The following SH3RF3 variants were observed in gnomAD, a reference collection of about 807,000 sequenced individuals.
The protein encoded by SH3RF3 is SH3 domain containing ring finger 3.
A neutral mutation model predicts 66.3 loss-of-function variants in SH3RF3; 29 were observed. The observed-to-expected ratio is 0.44, with a 90% CI of 0.33 to 0.60. The LOEUF (loss-of-function observed/expected upper bound fraction) is 0.60. SH3RF3 is among the 20% of genes least tolerant of loss of function. SH3RF3 has a pLI of 0.04. For synonymous variants in SH3RF3, 583 were observed against 532.0 expected (o/e 1.10, Z -1.32); for missense variants, 1,194 against 1,190.9 (o/e 1.00, Z -0.04).
chr2:109,157,634 C>T (rs1677378641), intron 1 of SH3RF3, among the ~76,000 whole-genome samples: 2 of 152,136 alleles, frequency 1.3e-5, no homozygotes, highest in African/African-American at 2.4e-5. Flanking sequence ...TAGTGTGCTT[C>T]CTAGCCACCT....
intron 8 of SH3RF3, among the ~76,000 whole-genome samples, chr2:109,483,321 T>C (rs1157110998): frequency 2.0e-5 from 3 of 152,230 alleles, no homozygotes; most frequent in African/African-American, 7.2e-5. Context: ...TATCTAAAGT[T>C]TCCTGCAAGC....
intron 1 of SH3RF3, among the ~76,000 whole-genome samples, chr2:109,281,981 G>A (rs776065959): frequency 6.6e-6 from 1 of 152,102 alleles, no homozygotes; most frequent in Non-Finnish European, 1.5e-5. Flanking sequence ...CGAGCGCTGG[G>A]CCAGGCTTTC....
chr2:109,483,108 C>T (rs1287190303), intron 8 of SH3RF3, among the ~76,000 whole-genome samples: 2 of 152,190 alleles, frequency 1.3e-5, no homozygotes, highest in African/African-American at 4.8e-5. Flanking sequence ...CTCCTGTGCT[C>T]TTCCAGTAAC....
chr2:109,408,782 A>G (rs186051407), intron 4 of SH3RF3, among the ~76,000 whole-genome samples: 7 of 152,372 alleles, frequency 4.6e-5, no homozygotes, highest in African/African-American at 1.7e-4. Context: ...ATGGATGCAC[A>G]GTTGGATGTG....
At chr2:109,346,970 T>G (rs1682724357) in intron 1 of SH3RF3, among the ~76,000 whole-genome samples, 1 of 152,270 alleles carries the variant, frequency 6.6e-6, no homozygotes, top group East Asian at 1.9e-4. Flanking sequence ...GAACCCCTGC[T>G]CCTGGGCATG....
intron 1 of SH3RF3, among the ~76,000 whole-genome samples, chr2:109,172,343 G>C (rs117240462): frequency 6.6e-6 from 1 of 152,202 alleles, no homozygotes; most frequent in Admixed American, 6.5e-5. Context: ...GCGAGCCAGC[G>C]GTCAAACCCC....
chr2:109,398,666 T>C lies in SH3RF3; in HGVS notation c.1022T>C (p.Leu341Pro). The C allele has an allele frequency of 6.2e-7, 1 of 1,607,844 alleles. No individual in the cohort carries two copies. The highest frequency in any genetic ancestry group is 8.5e-7 in the Non-Finnish European group (1 of 1,177,508). Residue 341 changes from leucine (L) to proline (P), a missense_variant, in exon 4 of 10, where the codon CTG becomes CCG. Physicochemically the swap from Leu to Pro is moderately conservative, Grantham distance 98. Transcript: ENST00000309415. ...GCTGCATCCAGCTGCAATGCCTCCCTGCCCTCTGACTCCGGCGCTGTGGCC... is the reference window on the plus strand; with the variant it reads ...GCTGCATCCAGCTGCAATGCCTCCCCGCCCTCTGACTCCGGCGCTGTGGCC... ...PAAASSCNASLPSDSGAVASV... is the reference protein window; with the variant it reads ...PAAASSCNASPPSDSGAVASV...
chr2:109,466,404 C>T (rs1573275219), intron 8 of SH3RF3, among the ~76,000 whole-genome samples: 3 of 152,058 alleles, frequency 2.0e-5, no homozygotes, highest in Admixed American at 1.3e-4. Flanking sequence ...AATGAGATGT[C>T]TGTTTAGATC....
chr2:109,249,583 C>CTTTT (rs1553491291), intron 1 of SH3RF3, among the ~76,000 whole-genome samples: 21 of 84,414 alleles, frequency 2.5e-4, no homozygotes, highest in African/African-American at 1.1e-3. Flanking sequence ...TTCCTTCCTT[C>CTTTT]CTTTCCTTTC....
At chr2:109,219,894 A>G (rs1679192035) in intron 1 of SH3RF3, among the ~76,000 whole-genome samples, 1 of 152,212 alleles carries the variant, frequency 6.6e-6, no homozygotes, top group Admixed American at 6.5e-5. Context: ...CAAAACCCCA[A>G]TGGCGTTTTT....
intron 1 of SH3RF3, among the ~76,000 whole-genome samples, chr2:109,328,978 G>A (rs974205482): frequency 2.0e-5 from 3 of 152,132 alleles, no homozygotes; most frequent in Non-Finnish European, 4.4e-5. Context: ...TTCCTCCCAC[G>A]TCCTGGTGGC....
intron 1 of SH3RF3, among the ~76,000 whole-genome samples, chr2:109,143,542 A>G (rs2104840609): frequency 6.6e-6 from 1 of 152,300 alleles, no homozygotes; most frequent in East Asian, 1.9e-4. Context: ...CAGGAGCTTG[A>G]GACCAGCCTG....
intron 1 of SH3RF3, among the ~76,000 whole-genome samples, chr2:109,265,137 A>AT (rs1238503638): frequency 2.6e-5 from 4 of 150,990 alleles, no homozygotes; most frequent in African/African-American, 7.3e-5. Context: ...TGTGTGTTTT[A>AT]TTTTTTTTTC....
intron 1 of SH3RF3, among the ~76,000 whole-genome samples, chr2:109,139,456 C>G (rs1676886514): frequency 6.6e-6 from 1 of 152,206 alleles, no homozygotes; most frequent in East Asian, 1.9e-4. Context: ...GAAGACAACT[C>G]TCTTGTATCC....
intron 9 of SH3RF3, among the ~76,000 whole-genome samples, chr2:109,492,299 C>T (rs768908049): frequency 2.0e-5 from 3 of 152,190 alleles, no homozygotes; most frequent in Non-Finnish European, 4.4e-5. Context: ...CGCAGTTTGC[C>T]AGCCCTGACA....
chr2:109,370,328 C>T (rs1382014097), intron 2 of SH3RF3, among the ~76,000 whole-genome samples: 2 of 151,944 alleles, frequency 1.3e-5, no homozygotes, highest in Non-Finnish European at 2.9e-5. Context: ...CAACCTCTGC[C>T]TCCCGGGTTC....
chr2:109,257,751 G>A (rs1167601125), intron 1 of SH3RF3, among the ~76,000 whole-genome samples: 2 of 152,112 alleles, frequency 1.3e-5, no homozygotes, highest in African/African-American at 4.8e-5. Context: ...AAAACCAAGG[G>A]GCCCCAAGTG....
intron 1 of SH3RF3, among the ~76,000 whole-genome samples, chr2:109,163,544 G>A (rs950859680): frequency 3.3e-5 from 5 of 149,670 alleles, no homozygotes; most frequent in Non-Finnish European, 4.5e-5. Flanking sequence ...GACTACAGGC[G>A]CCCGCCACTA....
intron 1 of SH3RF3, among the ~76,000 whole-genome samples, chr2:109,153,529 C>G (rs118093441): frequency 6.6e-6 from 1 of 152,192 alleles, no homozygotes; most frequent in East Asian, 1.9e-4. Context: ...AGCATGGGCT[C>G]GGCTCAGTGT....
Sources: gnomAD v4.1 joint callset for allele counts (sites outside exome capture counted in the v4.1 genomes callset) on GRCh38, gnomAD v4.1.1 for gene constraint, MANE v1.5 for transcripts, NCBI Gene and HGNC (gene_info 2026-07-23, HGNC 2026-07-21) for gene names.